UBA7: variants seen among roughly 807,000 people sequenced by gnomAD.
The protein encoded by UBA7 is ubiquitin-like modifier-activating enzyme 7.
A neutral mutation model predicts 113.0 loss-of-function variants in UBA7; 88 were observed. The ratio of observed to expected loss-of-function variants is 0.78; its 90% CI spans 0.66 to 0.93. UBA7 has a LOEUF of 0.93. UBA7 is among the 40% of genes least tolerant of loss of function. The probability of loss-of-function intolerance (pLI) is 0.00; values close to 1 mark genes in which losing one functional copy is unlikely to be tolerated. For missense variants in UBA7, 1,092 were observed against 1,266.4 expected (o/e 0.86, Z 2.09); for synonymous variants, 459 against 513.0 (o/e 0.89, Z 1.42).
rs199791699 is a variant in UBA7 at position 49,812,491 on chromosome 3, C to A, written c.611G>T (p.Arg204Leu). The A allele has an allele frequency of 2.5e-6, 4 of 1,614,226 alleles. No homozygotes were observed. Among genetic ancestry groups the A allele is most frequent in the Non-Finnish European group, 2.5e-6 (3 of 1,180,048 alleles). Reference protein sequence around the residue: ...LRKGANTHYFRDGDLVTFSGI... With the variant: ...LRKGANTHYFLDGDLVTFSGI... ...CGAGAAAGTCACCAAGTCTCCATCA[C>A]GGAAGTAGTGGGTATTGGCCCCTTT... Residue 204 changes from arginine to leucine, a missense_variant, in exon 6 of 24, where the codon CGT becomes CTT. Transcript: ENST00000333486.
chr3:49,812,471 A>C lies in UBA7; in HGVS notation c.631T>G (p.Phe211Val). 6.2e-7 allele frequency: 1 copy of C among 1,614,186 alleles called. No homozygotes were observed. Among genetic ancestry groups the C allele is most frequent in the Non-Finnish European group, 8.5e-7 (1 of 1,180,024 alleles). ...TCAACCATTCCCTCAATTCCCGAGA[A>C]AGTCACCAAGTCTCCATCACGGAAG... ...HYFRDGDLVT[F>V]SGIEGMVELN... Residue 211 changes from phenylalanine to valine, a missense_variant, in exon 6 of 24, where the codon TTC becomes GTC. This residue lies in a region of UBA7 where 584 missense variants were observed against 714.5 expected (regional missense o/e 0.82). Coordinates refer to ENST00000333486, the MANE Select transcript of UBA7 (RefSeq NM_003335.3).
Position 49,810,754 on chromosome 3 carries a change from G to A in UBA7, c.1309C>T (p.Leu437=). ...QEKLRRQHYL[L]VGAGAIGCEL... ...CCCAGTCTCACCCCACAGCTCACCA[G>A]GAGGTAGTGCTGGCGTCTCAGTTTC... Residue 437 remains leucine (L), a splice_region_variant and synonymous_variant, in exon 11 of 24, where the codon CTG becomes TTG. Transcript: ENST00000333486. The surrounding 1 kb of genome is among the most constrained non-coding windows in gnomAD (Gnocchi z 5.6). 2 of 1,614,154 alleles carry A rather than the reference G, an allele frequency of 1.2e-6. No individual in the cohort carries two copies. The highest frequency in any genetic ancestry group is 1.1e-5 in the South Asian group (1 of 91,090).
At position 49,808,428 on chromosome 3, in the gene UBA7, G is replaced by A. The variant is rs1413461905; in HGVS notation, c.2388C>T (p.Val796=). Residue 796 remains valine (V), a synonymous_variant, in exon 19 of 24, where the codon GTC becomes GTT. Coordinates refer to ENST00000333486, the MANE Select transcript of UBA7 (RefSeq NM_003335.3). ...GCTTCAGGGGAGGGCCCACACTCCA[G>A]ACTTCCAGGGCTTTGTTCAGTTCCT... The part of the protein sequence containing the change: ...QQKELNKALE[V]WSVGPPLKPL... 3.1e-6 allele frequency: 5 copies of A among 1,614,044 alleles called. No homozygotes were observed. Among genetic ancestry groups the A allele is most frequent in the Non-Finnish European group, 4.2e-6 (5 of 1,180,018 alleles).
At chr3:49,805,510 G>T in intron 23 of UBA7, 73 bp from the exon 24 acceptor site, 1 of 1,456,624 alleles carries the variant, frequency 6.9e-7, no homozygotes, top group Non-Finnish European at 9.6e-7. Context: ...GCATGGACTA[G>T]AGAGGGTGCT....
In UBA7 at chr3:49,811,067, G is replaced by A; in HGVS notation, c.1147C>T (p.Leu383=). 1 of 1,614,096 alleles carries A rather than the reference G, an allele frequency of 6.2e-7. No individual in the cohort carries two copies. Among genetic ancestry groups the A allele is most frequent in the South Asian group, 1.1e-5 (1 of 91,078 alleles). ...LKAISRKFMP[L]DQWLYFDALD... ...GCATCAAAGTAAAGCCACTGGTCCA[G>A]AGGCATGAACTTCCTGGAGATTGCC... The change falls in exon 10 of 24, where the codon CTG becomes TTG. Residue 383 remains leucine (L), a synonymous_variant. Coordinates refer to ENST00000333486, the MANE Select transcript of UBA7 (RefSeq NM_003335.3).
In UBA7 at chr3:49,813,181, A is replaced by G; in HGVS notation, c.361-13T>C. 1 of 1,613,842 alleles carries G rather than the reference A, an allele frequency of 6.2e-7. No homozygotes were observed. On this transcript the variant is annotated splice_polypyrimidine_tract_variant and intron_variant, in intron 3 of 23. Transcript: ENST00000333486. ...TCAGCACCACCACCTGGGTGGACAC[A>G]GTGATCAGCAGGGCCAAAACCATTG...
In UBA7 at chr3:49,807,770, A is replaced by G. The variant is rs762839252; in HGVS notation, c.2681T>C (p.Ile894Thr). The G allele has an allele frequency of 1.9e-6, 3 of 1,613,206 alleles. No individual in the cohort carries two copies. The highest frequency in any genetic ancestry group is 2.5e-6 in the Non-Finnish European group (3 of 1,179,660). Reference protein sequence around the residue: ...SYLHLAENYLIRYMPFAPAIQ... With the variant: ...SYLHLAENYLTRYMPFAPAIQ... ...GGCTGGGGCAAAAGGCATATAGCGG[A>G]TGAGGTAGTTTTCAGCCAGATGTAG... Residue 894 changes from isoleucine (I) to threonine (T), a missense_variant, in exon 21 of 24, where the codon ATC (isoleucine) becomes ACC (threonine). Transcript: ENST00000333486. The surrounding 1 kb of genome is among the most constrained non-coding windows in gnomAD (Gnocchi z 4.0).
chr3:49,810,230 G>T lies in UBA7; in HGVS notation c.1633+33C>A. 1 of 1,613,208 alleles carries T rather than the reference G, an allele frequency of 6.2e-7. No homozygotes were observed. The highest frequency in any genetic ancestry group is 2.2e-5 in the East Asian group (1 of 44,858). On this transcript the variant is annotated intron_variant, in intron 13 of 23. Coordinates refer to ENST00000333486, the MANE Select transcript of UBA7 (RefSeq NM_003335.3). This position sits in a 1 kb window ranked among gnomAD's most constrained non-coding sequence, Gnocchi z 5.6. ...AGAAGTGGGACTGGCACAGCTGTGG[G>T]CAAGGGACTGACCTCCGAAGTCAAG...
chr3:49,808,863 C>G (rs1362349946), intron 18 of UBA7, 113 bp downstream of exon 18: 2 of 1,370,332 alleles, frequency 1.5e-6, no homozygotes, highest in Admixed American at 5.3e-5. Context: ...TGAGAGGTAG[C>G]AAATTGGCTG....
Position 49,807,759 on chromosome 3 carries a change from G to C in UBA7, c.2692C>G (p.Pro898Ala). 6.2e-7 allele frequency: 1 copy of C among 1,612,006 alleles called. No homozygotes were observed. Among genetic ancestry groups the C allele is most frequent in the Non-Finnish European group, 8.5e-7 (1 of 1,179,110 alleles). ...ACCGTCTGGATGGCTGGGGCAAAAGGCATATAGCGGATGAGGTAGTTTTCA... is the reference window on the plus strand; with the variant it reads ...ACCGTCTGGATGGCTGGGGCAAAAGCCATATAGCGGATGAGGTAGTTTTCA... ...LAENYLIRYMPFAPAIQTFHH... is the reference protein window; with the variant it reads ...LAENYLIRYMAFAPAIQTFHH... Residue 898 changes from proline to alanine, a missense_variant, in exon 21 of 24, where the codon CCT (proline) becomes GCT (alanine). Coordinates refer to ENST00000333486, the MANE Select transcript of UBA7 (RefSeq NM_003335.3). This position sits in a 1 kb window ranked among gnomAD's most constrained non-coding sequence, Gnocchi z 4.0.
intron 4 of UBA7, 24 bp from the exon 5 acceptor site, chr3:49,812,762 C>G: frequency 6.2e-7 from 1 of 1,612,978 alleles, no homozygotes; most frequent in East Asian, 2.2e-5. Context: ...GTAGGGGTCA[C>G]TGAGGTGGCT....
At chr3:49,811,619 T>A in intron 8 of UBA7, 164 bp from the exon 9 acceptor site, 2 of 1,158,270 alleles carry the variant, frequency 1.7e-6, no homozygotes, top group East Asian at 5.1e-5. Flanking sequence ...CACCAGAGGA[T>A]GCCCAGTACC....
At position 49,807,553 on chromosome 3, in the gene UBA7, T is replaced by A. The variant is rs2081473669; in HGVS notation, c.2715+183A>T. ...ATTGGGGGTGGGGATGGCTGACGGC[T>A]GCTTCCTGTGTCTGACAGGTCCCAG... On this transcript the variant is annotated intron_variant, in intron 21 of 23. Transcript: ENST00000333486. This position sits in a 1 kb window ranked among gnomAD's most constrained non-coding sequence, Gnocchi z 4.0. Among the ~76,000 whole-genome samples, 1 of 152,124 alleles carries A rather than the reference T, an allele frequency of 6.6e-6. No individual in the cohort carries two copies. Among genetic ancestry groups the A allele is most frequent in the East Asian group, 1.9e-4 (1 of 5,186 alleles).
Position 49,811,422 on chromosome 3 carries a change from C to T in UBA7, c.973G>A (p.Asp325Asn). The T allele has an allele frequency of 6.3e-7, 1 of 1,598,114 alleles. No homozygotes were observed. Among genetic ancestry groups the T allele is most frequent in the Non-Finnish European group, 8.5e-7 (1 of 1,172,746 alleles). ...DAETVVGLAR[D>N]LEPLKRTEEE... is the part of the protein sequence containing the mutation. ...TCTGTCCGCTTCAGTGGTTCCAGGT[C>T]CCGGGCCAGGCCCACCACAGTCTCT... Residue 325 changes from aspartate (D) to asparagine (N), a missense_variant, in exon 9 of 24, where the codon GAC (aspartate) becomes AAC (asparagine). Asp to Asn is a conservative substitution (Grantham distance 23). This residue lies in a region of UBA7 where 584 missense variants were observed against 714.5 expected (regional missense o/e 0.82). Coordinates refer to ENST00000333486, the MANE Select transcript of UBA7 (RefSeq NM_003335.3).
At chr3:49,812,244 G>A (rs1279307590) in intron 6 of UBA7, 38 bp from the exon 7 acceptor site, 2 of 1,612,870 alleles carry the variant, frequency 1.2e-6, no homozygotes, top group Admixed American at 3.3e-5. Context: ...TGATCCTTGA[G>A]CCTGAGTAGT....
rs1324221016 is a variant in UBA7 at position 49,806,000 on chromosome 3, A to G, written c.2809-3T>C. ...CTCACCCTCAACCCGTGCTGCTCCTAGAGGAGAAAGGTCAGACACCAGCTG... is the reference window on the plus strand; with the variant it reads ...CTCACCCTCAACCCGTGCTGCTCCTGGAGGAGAAAGGTCAGACACCAGCTG... On this transcript the variant is annotated splice_region_variant and splice_polypyrimidine_tract_variant and intron_variant, in intron 22 of 23. Transcript: ENST00000333486. 25 of 1,566,332 alleles carry G rather than the reference A, an allele frequency of 1.6e-5. No individual in the cohort carries two copies. The highest frequency in any genetic ancestry group is 3.5e-6 in the Non-Finnish European group (4 of 1,155,454).
chr3:49,811,970 C>G lies in UBA7; in HGVS notation c.839G>C (p.Ser280Thr). 6.2e-7 allele frequency: 1 copy of G among 1,614,218 alleles called. No individual in the cohort carries two copies. The highest frequency in any genetic ancestry group is 8.5e-7 in the Non-Finnish European group (1 of 1,180,044). The change falls in exon 8 of 24, where the codon AGC becomes ACC. Residue 280 changes from serine to threonine, a missense_variant. Physicochemically the swap from Ser to Thr is moderately conservative, Grantham distance 58. This residue lies in a region of UBA7 where 584 missense variants were observed against 714.5 expected (regional missense o/e 0.82). Coordinates refer to ENST00000333486, the MANE Select transcript of UBA7 (RefSeq NM_003335.3). ...ALLQPHVVAQ[S>T]SQEVHHAHCL... ...GTGGGCATGGTGAACTTCCTGGGAG[C>G]TCTGGGCCACCACATGGGGCTGGAG... is the stretch of plus-strand genomic sequence containing the variant.
intron 16 of UBA7, 28 bp from the exon 17 acceptor site, chr3:49,809,492 C>T (rs372830152): frequency 6.2e-7 from 1 of 1,613,852 alleles, no homozygotes; most frequent in African/African-American, 1.3e-5. Context: ...AGCTGCTGGG[C>T]TCAGTCTGGT....
rs1262690255 is a variant in UBA7 at position 49,807,741 on chromosome 3, G to A, written c.2710C>T (p.Gln904Ter). ...GTGGGGTATCATGGGCTCACCGTCT[G>A]GATGGCTGGGGCAAAAGGCATATAG... ...IRYMPFAPAI[Q>*]TFHHLKWTSW... is the part of the protein sequence containing the mutation. The change falls in exon 21 of 24, where the codon CAG becomes TAG. Residue 904 changes from glutamine (Q) to a stop codon, truncating the protein, a stop_gained. Transcript: ENST00000333486. LOFTEE classifies it high-confidence loss of function. The surrounding 1 kb of genome is among the most constrained non-coding windows in gnomAD (Gnocchi z 4.0). 6.2e-7 allele frequency: 1 copy of A among 1,606,508 alleles called. No homozygotes were observed. Among genetic ancestry groups the A allele is most frequent in the Non-Finnish European group, 8.5e-7 (1 of 1,176,038 alleles).
Sources: allele counts gnomAD v4.1 joint callset (sites outside exome capture counted in the v4.1 genomes callset), GRCh38; gene constraint gnomAD v4.1.1; regional missense constraint gnomAD v4.1.1; non-coding constraint Gnocchi (gnomAD v3.1); transcripts MANE v1.5; gene names NCBI Gene and HGNC (gene_info 2026-07-23, HGNC 2026-07-21).